Variants in GLI3 observed in about 807,000 individuals in gnomAD.
GLI3 encodes transcription activator GLI3.
In GLI3, 20 loss-of-function variants were observed where a neutral mutation model predicts 100.8. The observed-to-expected ratio is 0.20, with a 90% confidence interval of 0.14 to 0.29. GLI3 has a LOEUF of 0.29. Ranked by LOEUF, GLI3 falls within the 10% of genes least tolerant of loss-of-function variation. GLI3 has a pLI of 1.00. For missense variants in GLI3, 2,040 were observed against 2,128.5 expected, an observed-to-expected ratio of 0.96 and a Z score of 0.82; for synonymous variants, 938 against 860.5, an observed-to-expected ratio of 1.09 and a Z score of -1.58.
intron 2 of GLI3, among the ~76,000 whole-genome samples, chr7:42,214,763 A>G (rs1353221551): frequency 2.0e-5 from 3 of 151,954 alleles, no homozygotes; most frequent in Non-Finnish European, 4.4e-5. Context: ...ATTTAAAGTA[A>G]CAAAAACAAT....
At chr7:42,049,880 A>G (rs966863266) in intron 4 of GLI3, among the ~76,000 whole-genome samples, 8 of 152,218 alleles carry the variant, frequency 5.3e-5, no homozygotes, top group African/African-American at 1.9e-4. Flanking sequence ...AGAGAGATCA[A>G]CTGAGAACAG....
At chr7:42,240,173 G>A (rs1345215935), upstream of GLI3, among the ~76,000 whole-genome samples, 2 of 152,108 alleles carry the variant, frequency 1.3e-5, no homozygotes, top group Non-Finnish European at 2.9e-5. Context: ...GCCCTTCCTT[G>A]ATGTCTGAAA....
chr7:42,015,619 T>C (rs1261137794), intron 10 of GLI3, among the ~76,000 whole-genome samples: 1 of 151,260 alleles, frequency 6.6e-6, no homozygotes, highest in East Asian at 1.9e-4. Flanking sequence ...AAAAAAATAG[T>C]GATGGAGTTT....
intron 3 of GLI3, among the ~76,000 whole-genome samples, chr7:42,125,429 C>T (rs181305787): frequency 6.6e-5 from 10 of 152,280 alleles, no homozygotes; most frequent in Non-Finnish European, 1.0e-4. Flanking sequence ...TCAAAGCAAA[C>T]GGGCAGCAGA....
rs547689985 is a variant in GLI3 at position 42,143,241 on chromosome 7, C to T, written c.367+4985G>A. ...CTTTCTGGTTAAACAATCTAATTTTCAAAGGGCGGAAAAAAACAAAGCATT... is the reference window on the plus strand; with the variant it reads ...CTTTCTGGTTAAACAATCTAATTTTTAAAGGGCGGAAAAAAACAAAGCATT... On this transcript the variant is annotated intron_variant, in intron 3 of 14. Transcript: ENST00000395925. 2.6e-5 allele frequency among the ~76,000 whole-genome samples: 4 copies of T among 152,278 alleles called. No homozygotes were observed. In the South Asian group the frequency reaches 8.3e-4, roughly 32 times the overall value.
intron 3 of GLI3, among the ~76,000 whole-genome samples, chr7:42,100,688 G>A (rs1785442278): frequency 6.6e-6 from 1 of 152,088 alleles, no homozygotes; most frequent in African/African-American, 2.4e-5. Flanking sequence ...GTTTCAGTGA[G>A]CTGAGATTGC....
chr7:42,164,723 G>C (rs927865148), intron 2 of GLI3, among the ~76,000 whole-genome samples: 1 of 151,494 alleles, frequency 6.6e-6, no homozygotes, highest in African/African-American at 2.4e-5. Flanking sequence ...CCAGCTATTC[G>C]GGAGGCTGAG....
At chr7:42,237,311 G>T (rs889844669), upstream of GLI3, among the ~76,000 whole-genome samples, 4 of 151,654 alleles carry the variant, frequency 2.6e-5, no homozygotes, top group African/African-American at 4.8e-5. Context: ...TGACTCACAA[G>T]CCCTGAGTGA....
At chr7:42,168,201 G>C (rs895147551) in intron 2 of GLI3, among the ~76,000 whole-genome samples, 4 of 152,194 alleles carry the variant, frequency 2.6e-5, no homozygotes, top group Admixed American at 2.0e-4. Context: ...TCAGTACCTT[G>C]TTAAGAAAAC....
At chr7:42,025,905 C>T (rs1290095220) in intron 8 of GLI3, among the ~76,000 whole-genome samples, 1 of 152,232 alleles carries the variant, frequency 6.6e-6, no homozygotes, top group Non-Finnish European at 1.5e-5. Flanking sequence ...CCACATGCTG[C>T]ACTGACATGG....
At chr7:42,207,885 C>T (rs140541015) in intron 2 of GLI3, among the ~76,000 whole-genome samples, 147 of 152,324 alleles carry the variant, frequency 9.7e-4, no homozygotes, top group African/African-American at 3.3e-3. Flanking sequence ...CAGCCGAGCA[C>T]GGTGGCTCAC....
chr7:42,113,323 T>TC, intron 3 of GLI3: 1 of 621,512 alleles, frequency 1.6e-6, no homozygotes, highest in Non-Finnish European at 3.0e-6. Context: ...CACCACCACA[T>TC]CCTGTGCCCA....
chr7:42,037,459 A>C (rs1208242783), intron 7 of GLI3, among the ~76,000 whole-genome samples: 1 of 152,222 alleles, frequency 6.6e-6, no homozygotes, highest in Non-Finnish European at 1.5e-5. Context: ...CCTCCAGCTA[A>C]AGAACTGGCA....
upstream of GLI3, chr7:42,238,014 C>T: frequency 1.3e-5 from 2 of 150,622 alleles, no homozygotes; most frequent in Admixed American, 6.7e-5. Context: ...CCTCCTCCTC[C>T]TCCTCCTCCT....
intron 11 of GLI3, 145 bp downstream of exon 11, chr7:41,978,454 C>T (rs547970337): frequency 7.5e-6 from 6 of 799,240 alleles, no homozygotes; most frequent in African/African-American, 1.7e-5. Context: ...ACTCAAACAC[C>T]GAGGCATTTA....
chr7:42,142,755 C>T (rs1786599632), intron 3 of GLI3, among the ~76,000 whole-genome samples: 1 of 151,222 alleles, frequency 6.6e-6, no homozygotes, highest in African/African-American at 2.4e-5. Context: ...ATGGTGAAAC[C>T]CCGTCTCTAC....
intron 11 of GLI3, chr7:41,977,980 T>C: frequency 1.9e-6 from 1 of 528,872 alleles, no homozygotes; most frequent in East Asian, 3.4e-5. Flanking sequence ...GGACAATGGG[T>C]TTCATTATCT....
At position 41,968,735 on chromosome 7, in the gene GLI3, AGAAAGAAAGAAAGAAAGAAAGAAAGAAG is replaced by A. The variant is rs1562661898; in HGVS notation, c.2104-840_2104-813del. Among the ~76,000 whole-genome samples, 70 of 122,786 alleles carry A rather than the reference AGAAAGAAAGAAAGAAAGAAAGAAAGAAG, an allele frequency of 5.7e-4. 2 individuals are homozygous for A. Among genetic ancestry groups the A allele is most frequent in the Middle Eastern group, 3.9e-3 (1 of 258 alleles). 80.6% of individuals were successfully genotyped at this position (122,786 alleles called of 152,430 possible). On this transcript the variant is annotated intron_variant, in intron 13 of 14. Transcript: ENST00000395925. ...AAAGAAGAAAGAAAGAAAGAAAGAA[AGAAAGAAAGAAAGAAAGAAAGAAAGAAG>A]GAAAGAAAGAAAGAAAGAAAGAAAG...
intron 3 of GLI3, among the ~76,000 whole-genome samples, chr7:42,080,387 A>C (rs1562718576): frequency 6.6e-6 from 1 of 152,270 alleles, no homozygotes; most frequent in Non-Finnish European, 1.5e-5. Context: ...TTCGAGAATT[A>C]TGTTTAAATA....
Sources: allele counts gnomAD v4.1 joint callset (sites outside exome capture counted in the v4.1 genomes callset), GRCh38; gene constraint gnomAD v4.1.1; transcripts MANE v1.5; gene names NCBI Gene and HGNC (gene_info 2026-07-23, HGNC 2026-07-21).